The following NXPE2 variants were observed in gnomAD, a reference collection of about 807,000 sequenced individuals.
NXPE2 encodes the protein neurexophilin and PC-esterase domain family member 2, also known as NXPE family member 2.
NXPE2 carries 34 observed loss-of-function variants against 34.4 expected under a neutral mutation model. The observed-to-expected ratio is 0.99, with a 90% CI of 0.75 to 1.31. The LOEUF is 1.31. NXPE2 is among the 40% of genes most tolerant of loss of function. The pLI, the probability that NXPE2 is intolerant of heterozygous loss-of-function variation, is 0.00. For missense variants in NXPE2, 649 were observed against 672.5 expected (o/e 0.97, Z 0.39); for synonymous variants, 235 against 231.3 (o/e 1.02, Z -0.15).
At chr11:114,753,226 T>C in the NXPE2 span, among the ~76,000 whole-genome samples, 9 of 152,018 alleles carry the variant, frequency 5.9e-5, no homozygotes, top group African/African-American at 2.2e-4. Context: ...ACTCCATCTC[T>C]ACAAAAAATG....
At chr11:114,795,993 G>C in the NXPE2 span, among the ~76,000 whole-genome samples, 1 of 152,134 alleles carries the variant, frequency 6.6e-6, no homozygotes, top group Non-Finnish European at 1.5e-5. Context: ...TCAGTACCTA[G>C]AATTCCCCTA....
At chr11:114,637,773 A>T in the NXPE2 span, among the ~76,000 whole-genome samples, 11 of 151,980 alleles carry the variant, frequency 7.2e-5, 1 homozygote, top group African/African-American at 2.7e-4. Flanking sequence ...CTTCTCTTTA[A>T]GAATGTTGAA....
the NXPE2 span, among the ~76,000 whole-genome samples, chr11:114,536,458 C>T: frequency 7.1e-4 from 108 of 152,016 alleles, no homozygotes; most frequent in African/African-American, 2.6e-3. Flanking sequence ...GAAATAGAGA[C>T]AAAAAACCCT....
At chr11:114,492,728 A>T in the NXPE2 span, among the ~76,000 whole-genome samples, 1 of 151,818 alleles carries the variant, frequency 6.6e-6, no homozygotes, top group Non-Finnish European at 1.5e-5. Context: ...TTTAGTAGAG[A>T]CGGGGTTTCA....
chr11:114,651,261 G>T, the NXPE2 span, among the ~76,000 whole-genome samples: 1 of 151,948 alleles, frequency 6.6e-6, no homozygotes, highest in East Asian at 1.9e-4. Context: ...TGTGTCCGGA[G>T]TTTCTTCCTT....
At chr11:114,704,454 G>C (rs944519895) in intron 4 of NXPE2, among the ~76,000 whole-genome samples, 2 of 152,128 alleles carry the variant, frequency 1.3e-5, no homozygotes, top group African/African-American at 4.8e-5. Flanking sequence ...ATTTAGCCAA[G>C]CCATCTTACT....
At chr11:114,601,722 A>C in the NXPE2 span, among the ~76,000 whole-genome samples, 5 of 72,440 alleles carry the variant, frequency 6.9e-5, no homozygotes, top group Non-Finnish European at 1.2e-4. Flanking sequence ...TATATATTAT[A>C]ATTATATATT....
At chr11:114,760,430 C>T in the NXPE2 span, among the ~76,000 whole-genome samples, 1 of 152,182 alleles carries the variant, frequency 6.6e-6, no homozygotes, top group Non-Finnish European at 1.5e-5. Context: ...GTTATAGCCA[C>T]CTGAATGGAT....
the NXPE2 span, among the ~76,000 whole-genome samples, chr11:114,785,604 CA>C: frequency 1.3e-5 from 2 of 152,024 alleles, no homozygotes; most frequent in African/African-American, 4.8e-5. Flanking sequence ...CTATGAAGGC[CA>C]AAAAGTGATC....
At chr11:114,520,439 A>G in the NXPE2 span, among the ~76,000 whole-genome samples, 2 of 152,234 alleles carry the variant, frequency 1.3e-5, no homozygotes, top group Non-Finnish European at 2.9e-5. Context: ...TTGCAAATAT[A>G]GCAGCATCTC....
chr11:114,505,652 A>G, the NXPE2 span, among the ~76,000 whole-genome samples: 1 of 152,208 alleles, frequency 6.6e-6, no homozygotes, highest in Non-Finnish European at 1.5e-5. Context: ...AGGAGAAATG[A>G]GATCCTTTTC....
chr11:114,617,377 T>C, the NXPE2 span, among the ~76,000 whole-genome samples: 1 of 152,248 alleles, frequency 6.6e-6, no homozygotes, highest in East Asian at 1.9e-4. Flanking sequence ...TAACCACTGT[T>C]ACCCGGTAGA....
At chr11:114,751,520 T>C in the NXPE2 span, among the ~76,000 whole-genome samples, 319 of 152,282 alleles carry the variant, frequency 2.1e-3, no homozygotes, top group African/African-American at 7.5e-3. Flanking sequence ...TTTAATGGGC[T>C]GGACAGACAA....
At chr11:114,524,038 A>G in the NXPE2 span, among the ~76,000 whole-genome samples, 2 of 152,322 alleles carry the variant, frequency 1.3e-5, no homozygotes, top group South Asian at 2.1e-4. Flanking sequence ...TGTTCCTTCT[A>G]TGTTGTGGCT....
chr11:114,527,963 C>A, the NXPE2 span: 2 of 1,291,936 alleles, frequency 1.5e-6, no homozygotes, highest in Non-Finnish European at 2.2e-6. Flanking sequence ...ACAGGTGAAT[C>A]ATCTGCTTGT....
At chr11:114,752,314 T>G in the NXPE2 span, among the ~76,000 whole-genome samples, 214 of 152,232 alleles carry the variant, frequency 1.4e-3, no homozygotes, top group Admixed American at 4.1e-3. Context: ...GGCAGTGCAC[T>G]GTCAGTTCAT....
At chr11:114,624,408 A>G in the NXPE2 span, among the ~76,000 whole-genome samples, 1 of 152,214 alleles carries the variant, frequency 6.6e-6, no homozygotes, top group African/African-American at 2.4e-5. Flanking sequence ...CCTCATTGGT[A>G]ACCACTGTTA....
At chr11:114,505,206 C>G in the NXPE2 span, among the ~76,000 whole-genome samples, 2 of 152,124 alleles carry the variant, frequency 1.3e-5, no homozygotes, top group African/African-American at 4.8e-5. Flanking sequence ...AACAAAACCT[C>G]TGATAAATGT....
the NXPE2 span, among the ~76,000 whole-genome samples, chr11:114,740,574 A>C: frequency 2.6e-5 from 4 of 152,168 alleles, no homozygotes; most frequent in African/African-American, 9.7e-5. Flanking sequence ...ATACCAATTT[A>C]CATTCCCACT....
Sources: allele counts gnomAD v4.1 joint callset (sites outside exome capture counted in the v4.1 genomes callset), GRCh38; gene constraint gnomAD v4.1.1; transcripts MANE v1.5; gene names NCBI Gene and HGNC (gene_info 2026-07-23, HGNC 2026-07-21).